The following ZDHHC18 variants were observed in gnomAD, a reference collection of about 807,000 sequenced individuals.
The protein encoded by ZDHHC18 is palmitoyltransferase ZDHHC18.
Under a neutral mutation model 37.5 loss-of-function variants are expected in ZDHHC18, and 23 were observed. The ratio of observed to expected loss-of-function variants is 0.61; its 90% CI spans 0.44 to 0.87. ZDHHC18 has a LOEUF of 0.87. Ranked by LOEUF, ZDHHC18 falls within the 40% of genes least tolerant of loss-of-function variation. The pLI is 0.00. For missense variants in ZDHHC18, 406 were observed against 525.6 expected, an observed-to-expected ratio of 0.77 and a Z score of 2.22; for synonymous variants, 185 against 218.7, an observed-to-expected ratio of 0.85 and a Z score of 1.36.
Position 26,857,479 on chromosome 1 carries a change from G to A in ZDHHC18, c.*3636G>A, listed in dbSNP as rs2081740531. The A allele has an allele frequency of 6.6e-6, 1 of 152,250 alleles. No individual in the cohort carries two copies. Among genetic ancestry groups the A allele is most frequent in the African/African-American group, 2.4e-5 (1 of 41,418 alleles). The allele number at this position is 152,250 out of a possible 1,614,324, so 9.4% of individuals were successfully genotyped here. ...CCGTGCACAGCCCCATACACTTCAG[G>A]GGACTAAAGGAAAGAGCTGAGCCAA... On this transcript the variant is annotated 3_prime_UTR_variant, in exon 8 of 8. Coordinates refer to ENST00000374142, the MANE Select transcript of ZDHHC18 (RefSeq NM_032283.3).
intron 2 of ZDHHC18, among the ~76,000 whole-genome samples, chr1:26,848,357 T>C (rs1223499977): frequency 6.6e-6 from 1 of 151,900 alleles, no homozygotes; most frequent in Non-Finnish European, 1.5e-5. Context: ...GGAGTCTCCT[T>C]CTCTGACAGC....
intron 2 of ZDHHC18, among the ~76,000 whole-genome samples, chr1:26,832,956 T>G (rs972579384): frequency 1.1e-4 from 16 of 152,214 alleles, no homozygotes; most frequent in African/African-American, 3.1e-4. Flanking sequence ...TTTTACTGAT[T>G]AATTAAATCA....
chr1:26,827,708 A>G (rs1253440877), intron 1 of ZDHHC18, among the ~76,000 whole-genome samples: 1 of 151,996 alleles, frequency 6.6e-6, no homozygotes, highest in Non-Finnish European at 1.5e-5. Flanking sequence ...CTCTAGTCTC[A>G]GACACCAACC....
At chr1:26,829,941 T>C (rs2081580080) in intron 1 of ZDHHC18, among the ~76,000 whole-genome samples, 1 of 152,216 alleles carries the variant, frequency 6.6e-6, no homozygotes, top group African/African-American at 2.4e-5. Flanking sequence ...ACAAGTCTGA[T>C]TGCATATGAA....
At chr1:26,851,293 A>G in intron 6 of ZDHHC18, 62 bp downstream of exon 6, 1 of 1,540,604 alleles carries the variant, frequency 6.5e-7, no homozygotes, top group Non-Finnish European at 9.0e-7. Context: ...GGCAGGGCTG[A>G]GGGAGCCTGG....
intron 2 of ZDHHC18, among the ~76,000 whole-genome samples, chr1:26,843,164 C>T (rs1317969674): frequency 1.4e-5 from 2 of 145,522 alleles, no homozygotes; most frequent in African/African-American, 5.1e-5. Context: ...TTTTTTGAGA[C>T]GGAGTTTCGT....
intron 2 of ZDHHC18, among the ~76,000 whole-genome samples, chr1:26,834,627 G>T (rs2081603066): frequency 6.6e-6 from 1 of 152,206 alleles, no homozygotes; most frequent in Non-Finnish European, 1.5e-5. Context: ...CTGCTGGCCT[G>T]TGAGGGCATG....
At position 26,855,317 on chromosome 1, in the gene ZDHHC18, G is replaced by C. The variant is rs994942203; in HGVS notation, c.*1474G>C. 2 of 152,414 alleles carry C rather than the reference G, an allele frequency of 1.3e-5. No homozygotes were observed. Among genetic ancestry groups the C allele is most frequent in the Admixed American group, 6.5e-5 (1 of 15,290 alleles). The allele number at this position is 152,414 out of a possible 1,614,324, so 9.4% of individuals were successfully genotyped here. A position where few individuals can be genotyped will look rare whatever the true frequency, so the allele number is the denominator to read the frequency against. ...GAGAAAAGGAAGAAGGTGCAGGGTG[G>C]GCCAAGAGGCAAGTGAAGGTTGGCC... On this transcript the variant is annotated 3_prime_UTR_variant, in exon 8 of 8. Coordinates refer to ENST00000374142, the MANE Select transcript of ZDHHC18 (RefSeq NM_032283.3).
At chr1:26,835,190 A>G (rs1160198070) in intron 2 of ZDHHC18, among the ~76,000 whole-genome samples, 2 of 152,222 alleles carry the variant, frequency 1.3e-5, no homozygotes, top group Non-Finnish European at 2.9e-5. Flanking sequence ...GTTGGCTAGA[A>G]TATGAGGAGC....
At chr1:26,827,240 G>A in intron 1 of ZDHHC18, 101 bp downstream of exon 1, 2 of 1,006,294 alleles carry the variant, frequency 2.0e-6, no homozygotes, top group Non-Finnish European at 2.6e-6. Context: ...CGCCTCCCTG[G>A]TCCTCATCCT....
At chr1:26,844,267 G>C (rs1231884717) in intron 2 of ZDHHC18, among the ~76,000 whole-genome samples, 1 of 152,130 alleles carries the variant, frequency 6.6e-6, no homozygotes, top group Non-Finnish European at 1.5e-5. Context: ...TTGAACTCCT[G>C]ACCTCAAGTG....
In ZDHHC18 at chr1:26,850,653, T is replaced by G; in HGVS notation, c.833+47T>G. 1 of 1,607,450 alleles carries G rather than the reference T, an allele frequency of 6.2e-7. No individual in the cohort carries two copies. Among genetic ancestry groups the G allele is most frequent in the Non-Finnish European group, 8.5e-7 (1 of 1,175,082 alleles). ...ACACTCCAGTGGGAACTGAGGTCCC[T>G]TCACTGGGTGGGTGCCCTGCCTCAT... On this transcript the variant is annotated intron_variant, in intron 5 of 7. Transcript: ENST00000374142. This position sits in a 1 kb window ranked among gnomAD's most constrained non-coding sequence, Gnocchi z 6.1.
chr1:26,839,496 T>C (rs2081627996), intron 2 of ZDHHC18, among the ~76,000 whole-genome samples: 1 of 152,308 alleles, frequency 6.6e-6, no homozygotes, highest in Admixed American at 6.5e-5. Context: ...CCTTGTACAG[T>C]AACTTGCACA....
At chr1:26,843,531 G>A (rs1212109695) in intron 2 of ZDHHC18, among the ~76,000 whole-genome samples, 1 of 147,636 alleles carries the variant, frequency 6.8e-6, no homozygotes, top group Non-Finnish European at 1.5e-5. Context: ...GTTCATGCCT[G>A]TAATACCAGC....
At chr1:26,827,167 C>T (rs923251967) in intron 1 of ZDHHC18, 28 bp downstream of exon 1, 26 of 1,340,520 alleles carry the variant, frequency 1.9e-5, no homozygotes, top group Non-Finnish European at 2.4e-5. Context: ...GGCGCCCCCT[C>T]CCAGCCCCCT....
intron 2 of ZDHHC18, among the ~76,000 whole-genome samples, chr1:26,841,084 C>A (rs575098570): frequency 6.6e-6 from 1 of 152,034 alleles, no homozygotes; most frequent in Non-Finnish European, 1.5e-5. Flanking sequence ...TCAAGTGATT[C>A]TCTTGCCTCA....
In ZDHHC18 at chr1:26,843,304, G is replaced by A. The variant is rs2081647794; in HGVS notation, c.497-5304G>A. On this transcript the variant is annotated intron_variant, in intron 2 of 7. Transcript: ENST00000374142. Reference sequence around the variant, plus strand: ...ATTATAGGCACGCACCACCACACCCGGCTAACTTTTGTGTTTTTAGTAGAG... The same window carrying A: ...ATTATAGGCACGCACCACCACACCCAGCTAACTTTTGTGTTTTTAGTAGAG... Among the ~76,000 whole-genome samples the A allele has an allele frequency of 2.7e-5, 4 of 150,568 alleles. No individual in the cohort carries two copies. In the South Asian group the frequency reaches 6.4e-4, roughly 24 times the overall value.
chr1:26,848,300 G>A (rs1360015576), intron 2 of ZDHHC18, among the ~76,000 whole-genome samples: 1 of 151,598 alleles, frequency 6.6e-6, no homozygotes, highest in African/African-American at 2.4e-5. Context: ...GCGACAGAGT[G>A]AGACTCTGCC....
intron 2 of ZDHHC18, among the ~76,000 whole-genome samples, chr1:26,845,623 G>T (rs946556601): frequency 6.6e-6 from 1 of 151,466 alleles, no homozygotes; most frequent in African/African-American, 2.4e-5. Context: ...TTGAGCCACC[G>T]CGCCCGGCCT....
Sources: gnomAD v4.1 joint callset for allele counts (sites outside exome capture counted in the v4.1 genomes callset) on GRCh38, gnomAD v4.1.1 for gene constraint, Gnocchi (gnomAD v3.1) non-coding constraint, MANE v1.5 for transcripts, NCBI Gene and HGNC (gene_info 2026-07-23, HGNC 2026-07-21) for gene names.